Variants in USP7 observed in about 807,000 individuals in gnomAD.
USP7 encodes the protein ubiquitin C-terminal hydrolase 7.
Under a neutral mutation model 162.9 loss-of-function variants are expected in USP7, and 9 were observed. That is an observed-to-expected ratio of 0.06 (90% CI 0.03 to 0.10). The LOEUF is 0.10. Among genes scored for constraint, USP7 ranks in the 10% least tolerant of loss-of-function variants. The pLI is 1.00. For missense variants in USP7, 715 were observed against 1,373.7 expected (o/e 0.52, Z 7.58); for synonymous variants, 562 against 475.9 (o/e 1.18, Z -2.35).
At chr16:8,948,116 C>A (rs1244922304) in intron 1 of USP7, among the ~76,000 whole-genome samples, 2 of 152,224 alleles carry the variant, frequency 1.3e-5, no homozygotes, top group African/African-American at 4.8e-5. Context: ...AGAGCTCCCA[C>A]CACTGTGGCC....
intron 1 of USP7, among the ~76,000 whole-genome samples, chr16:8,930,838 G>A (rs529167689): frequency 4.2e-4 from 64 of 152,210 alleles, no homozygotes; most frequent in African/African-American, 1.4e-3. Context: ...GTGTGGTGGC[G>A]CATGCCCGCA....
intron 3 of USP7, among the ~76,000 whole-genome samples, chr16:8,922,412 C>T (rs538685528): frequency 2.0e-5 from 3 of 152,292 alleles, no homozygotes; most frequent in South Asian, 4.1e-4. Flanking sequence ...CGCTTGAACC[C>T]GGGAGGTGGA....
intron 1 of USP7, among the ~76,000 whole-genome samples, chr16:8,945,473 G>A (rs1899235399): frequency 1.3e-5 from 2 of 152,170 alleles, no homozygotes; most frequent in South Asian, 2.1e-4. Flanking sequence ...GTTAGTGGGG[G>A]CTTTGGGAAC....
At chr16:8,908,297 A>G (rs748731017) in intron 12 of USP7, 44 bp downstream of exon 12, 1 of 1,486,648 alleles carries the variant, frequency 6.7e-7, no homozygotes, top group East Asian at 2.3e-5. Context: ...CCCCTAGACC[A>G]GCATGATGAT....
Position 8,904,382 on chromosome 16 carries a change from G to C in USP7, c.1704+53C>G, listed in dbSNP as rs1389689697. On this transcript the variant is annotated intron_variant, in intron 15 of 30. Transcript: ENST00000344836. Reference sequence around the variant, plus strand: ...GGGCTGACCTGCACTTGTGTATAGAGATGGGTGCCCGGCTGCATGGTGACC... The same window carrying C: ...GGGCTGACCTGCACTTGTGTATAGACATGGGTGCCCGGCTGCATGGTGACC... 1.0e-5 allele frequency: 16 copies of C among 1,602,108 alleles called. No individual in the cohort carries two copies. In the East Asian group the frequency reaches 1.1e-4, roughly 11 times the overall value.
At chr16:8,946,290 CA>C (rs924648389) in intron 1 of USP7, among the ~76,000 whole-genome samples, 1 of 152,006 alleles carries the variant, frequency 6.6e-6, no homozygotes, top group Non-Finnish European at 1.5e-5. Context: ...ACAACAACAA[CA>C]AAAAAATGGC....
chr16:8,925,704 A>G (rs1484491943), intron 2 of USP7, among the ~76,000 whole-genome samples: 1 of 152,178 alleles, frequency 6.6e-6, no homozygotes, highest in Non-Finnish European at 1.5e-5. Context: ...TTAGTTCACA[A>G]TTAGTGCACT....
chr16:8,946,528 C>T (rs1047019633), intron 1 of USP7, among the ~76,000 whole-genome samples: 2 of 152,194 alleles, frequency 1.3e-5, no homozygotes, highest in South Asian at 2.1e-4. Flanking sequence ...ATCTGCAAAT[C>T]GCGTATCTTA....
intron 14 of USP7, among the ~76,000 whole-genome samples, chr16:8,904,870 G>A (rs2061835319): frequency 6.6e-6 from 1 of 152,176 alleles, no homozygotes; most frequent in Non-Finnish European, 1.5e-5. Context: ...TACTTGGGAG[G>A]CTGAGGCAGG....
chr16:8,895,991 C>T (rs1299239381), intron 26 of USP7, among the ~76,000 whole-genome samples: 1 of 152,064 alleles, frequency 6.6e-6, no homozygotes, highest in Admixed American at 6.6e-5. Context: ...TGCGTGCCAC[C>T]ACACTGGGCT....
intron 4 of USP7, among the ~76,000 whole-genome samples, chr16:8,920,932 G>A (rs905867740): frequency 1.8e-4 from 28 of 152,194 alleles, no homozygotes; most frequent in African/African-American, 6.5e-4. Flanking sequence ...TTAGCCCACT[G>A]GGAACTCCCT....
rs142062834 is a variant in USP7 at position 8,928,425 on chromosome 16, T to A, written c.184+1868A>T. ...GATAAGCAATTTATGCTGCTTCTGA[T>A]ATGACAACCCTGAGACATACGACAG... is the stretch of plus-strand genomic sequence containing the variant. On this transcript the variant is annotated intron_variant, in intron 2 of 30. Transcript: ENST00000344836. Among the ~76,000 whole-genome samples the A allele has an allele frequency of 1.4e-3, 216 of 152,354 alleles. 1 individual carries two copies. Among genetic ancestry groups the A allele is most frequent in the African/African-American group, 5.0e-3 (209 of 41,584 alleles).
chr16:8,962,770 G>C (rs921663787), intron 1 of USP7: 1 of 163,526 alleles, frequency 6.1e-6, no homozygotes, highest in African/African-American at 2.4e-5. Context: ...GCCCTCCGGG[G>C]GAGCGCACCG....
chr16:8,941,810 G>A (rs145769115), intron 1 of USP7, among the ~76,000 whole-genome samples: 269 of 152,312 alleles, frequency 1.8e-3, no homozygotes, highest in African/African-American at 5.0e-3. Context: ...CCAAGCCTCC[G>A]TCTCTGACAG....
intron 1 of USP7, among the ~76,000 whole-genome samples, chr16:8,938,165 C>T (rs1405184452): frequency 2.0e-5 from 3 of 152,052 alleles, no homozygotes; most frequent in East Asian, 1.9e-4. Context: ...CACGACACTC[C>T]GAGAAGGCTG....
In USP7 at chr16:8,894,631, C is replaced by A; in HGVS notation, c.3121G>T (p.Ala1041Ser). ...TGGTGTCGGCCCATCATTACAATTG[C>A]AAATTTAAACTAAAAGAAAAAAAAT... is the stretch of plus-strand genomic sequence containing the variant. ...QEKEFEKFKF[A>S]IVMMGRHQYI... The change falls in exon 30 of 31, where the codon GCA becomes TCA. Residue 1041 changes from alanine to serine, a missense_variant. Ala to Ser is a moderately conservative substitution (Grantham distance 99). Transcript: ENST00000344836. 6.2e-7 allele frequency: 1 copy of A among 1,613,424 alleles called. No individual in the cohort carries two copies. Among genetic ancestry groups the A allele is most frequent in the Admixed American group, 1.7e-5 (1 of 59,882 alleles).
chr16:8,933,317 C>G (rs1161001929), intron 1 of USP7, among the ~76,000 whole-genome samples: 1 of 151,976 alleles, frequency 6.6e-6, no homozygotes, highest in Non-Finnish European at 1.5e-5. Flanking sequence ...GGGGCCAAGA[C>G]GGGACGATCA....
At chr16:8,953,521 T>TGCCCCGTGCGGTGCCACC (rs1567248165) in intron 1 of USP7, among the ~76,000 whole-genome samples, 3 of 111,406 alleles carry the variant, frequency 2.7e-5, no homozygotes, top group African/African-American at 1.1e-4. Flanking sequence ...GCGGTGCCAC[T>TGCCCCGTGCGGTGCCACC]GGAAGCAGAG....
intron 1 of USP7, among the ~76,000 whole-genome samples, chr16:8,944,236 A>AC (rs1030025434): frequency 2.0e-5 from 3 of 151,790 alleles, no homozygotes; most frequent in Non-Finnish European, 4.4e-5. Context: ...GAGGTGCAAA[A>AC]AAAAAAAAGC....
Sources: gnomAD v4.1 joint callset for allele counts (sites outside exome capture counted in the v4.1 genomes callset) on GRCh38, gnomAD v4.1.1 for gene constraint, MANE v1.5 for transcripts, NCBI Gene and HGNC (gene_info 2026-07-23, HGNC 2026-07-21) for gene names.